Variants in RERG observed in about 807,000 individuals in gnomAD.
RERG encodes RAS like estrogen regulated growth inhibitor.
RERG carries 25 observed loss-of-function variants against 23.2 expected under a neutral mutation model. The ratio of observed to expected loss-of-function variants is 1.08; its 90% CI spans 0.79 to 1.50. The LOEUF (loss-of-function observed/expected upper bound fraction) is 1.50, where lower values mean the gene tolerates loss of function less well. Among genes scored for constraint, RERG ranks in the 40% most tolerant of loss-of-function variants. RERG has a pLI of 0.00. For synonymous variants in RERG, 81 were observed against 89.1 expected (o/e 0.91, Z 0.51); for missense variants, 253 against 250.1 (o/e 1.01, Z -0.08).
intron 2 of RERG, among the ~76,000 whole-genome samples, chr12:15,158,064 G>A (rs1025233515): frequency 6.6e-6 from 1 of 151,982 alleles, no homozygotes; most frequent in African/African-American, 2.4e-5. Context: ...CATTTTGTAG[G>A]ATAACAAAAG....
rs1555125424 is a variant in RERG, at chr12:15,161,190, G to GAAAGA, written c.62-40076_62-40072dup. Among the ~76,000 whole-genome samples the GAAAGA allele has an allele frequency of 9.6e-4, 139 of 145,540 alleles. 1 individual carries two copies. The highest frequency in any genetic ancestry group is 1.8e-3 in the Non-Finnish European group (118 of 66,022). ...AGAAAGAAAGAAAGAAAGAAAGAAA[G>GAAAGA]AAAGAAAGAAAGAAAGAAAGAAAGA... is the stretch of plus-strand genomic sequence containing the variant. On this transcript the variant is annotated intron_variant, in intron 2 of 4. Coordinates refer to ENST00000256953, the MANE Select transcript of RERG (RefSeq NM_032918.3).
chr12:15,188,723 C>A (rs1386670425), intron 2 of RERG, among the ~76,000 whole-genome samples: 1 of 152,132 alleles, frequency 6.6e-6, no homozygotes, highest in Non-Finnish European at 1.5e-5. Flanking sequence ...AATAGGTGCT[C>A]AATAGTATGA....
intron 3 of RERG, among the ~76,000 whole-genome samples, chr12:15,116,715 G>T (rs1426949881): frequency 6.6e-6 from 1 of 151,874 alleles, no homozygotes; most frequent in African/African-American, 2.4e-5. Flanking sequence ...AAAGTGTTGT[G>T]CATCTACGTG....
At chr12:15,131,886 A>G (rs566196529) in intron 2 of RERG, among the ~76,000 whole-genome samples, 5 of 152,278 alleles carry the variant, frequency 3.3e-5, no homozygotes, top group African/African-American at 1.2e-4. Flanking sequence ...CACCACTCCT[A>G]TGGCTACCTT....
chr12:15,164,556 C>T (rs192375742), intron 2 of RERG, among the ~76,000 whole-genome samples: 37 of 152,296 alleles, frequency 2.4e-4, no homozygotes, highest in Non-Finnish European at 4.6e-4. Flanking sequence ...GCAAGTTTCT[C>T]CAGGCTCTGT....
chr12:15,174,134 TTGTC>T (rs1471902196), intron 2 of RERG, among the ~76,000 whole-genome samples: 1 of 152,080 alleles, frequency 6.6e-6, no homozygotes, highest in African/African-American at 2.4e-5. Context: ...CAGTTTCTGT[TTGTC>T]TGGTAGTGTT....
chr12:15,198,065 C>T (rs950510803), intron 2 of RERG, among the ~76,000 whole-genome samples: 17 of 152,154 alleles, frequency 1.1e-4, no homozygotes, highest in African/African-American at 3.9e-4. Flanking sequence ...CATCACCTGG[C>T]CTGGCCACTC....
At chr12:15,118,469 G>GTAA (rs778072281) in intron 3 of RERG, among the ~76,000 whole-genome samples, 2 of 152,132 alleles carry the variant, frequency 1.3e-5, no homozygotes, top group Non-Finnish European at 2.9e-5. Context: ...GCTTTTTAAT[G>GTAA]TAGTTATCTC....
At chr12:15,197,840 G>A (rs768814826) in intron 2 of RERG, among the ~76,000 whole-genome samples, 13 of 152,274 alleles carry the variant, frequency 8.5e-5, no homozygotes, top group Admixed American at 2.6e-4. Context: ...GGGCGGTGCA[G>A]AGAAAAAGGA....
chr12:15,200,878 T>C (rs74068776), intron 2 of RERG, among the ~76,000 whole-genome samples: 4,494 of 152,000 alleles, frequency 0.03, 204 homozygotes, highest in African/African-American at 0.1. Flanking sequence ...CCACTGAGGA[T>C]ATTTGACACG....
At chr12:15,187,491 G>A (rs1452099683) in intron 2 of RERG, among the ~76,000 whole-genome samples, 1 of 151,936 alleles carries the variant, frequency 6.6e-6, no homozygotes, top group Non-Finnish European at 1.5e-5. Flanking sequence ...CATGAATTAA[G>A]GCCAAACATA....
intron 2 of RERG, among the ~76,000 whole-genome samples, chr12:15,189,571 G>A (rs1865040514): frequency 6.6e-6 from 1 of 152,102 alleles, no homozygotes; most frequent in Non-Finnish European, 1.5e-5. Context: ...GTGTATTGAA[G>A]TATTAATTTT....
intron 3 of RERG, among the ~76,000 whole-genome samples, chr12:15,117,720 C>T (rs1259083583): frequency 1.3e-5 from 2 of 151,954 alleles, no homozygotes; most frequent in African/African-American, 2.4e-5. Flanking sequence ...CACAGGCACA[C>T]ACATTCTAAG....
chr12:15,151,670 T>C (rs1156920957), intron 2 of RERG, among the ~76,000 whole-genome samples: 1 of 152,162 alleles, frequency 6.6e-6, no homozygotes, highest in Non-Finnish European at 1.5e-5. Flanking sequence ...TAGTGGATCA[T>C]AGTAAATCAT....
intron 2 of RERG, among the ~76,000 whole-genome samples, chr12:15,209,473 T>C (rs570117856): frequency 6.6e-6 from 1 of 152,248 alleles, no homozygotes; most frequent in South Asian, 2.1e-4. Flanking sequence ...TATATAACAA[T>C]GAGAAACATA....
intron 2 of RERG, among the ~76,000 whole-genome samples, chr12:15,148,414 C>T (rs1864370040): frequency 6.6e-6 from 1 of 152,184 alleles, no homozygotes; most frequent in African/African-American, 2.4e-5. Flanking sequence ...GGGAAATGAC[C>T]TAAAAAACAA....
intron 3 of RERG, chr12:15,112,354 G>A (rs763265662): frequency 3.3e-5 from 5 of 152,334 alleles, no homozygotes; most frequent in Non-Finnish European, 5.9e-5. Flanking sequence ...GCAGCATGGA[G>A]GGGAGGTGGA....
chr12:15,190,348 A>G (rs1317298118), intron 2 of RERG, among the ~76,000 whole-genome samples: 1 of 152,202 alleles, frequency 6.6e-6, no homozygotes, highest in East Asian at 1.9e-4. Flanking sequence ...TAACATTTTA[A>G]GAAAGTTTAA....
At chr12:15,161,206 GAAAGAAAGAAAGAAAGAAAGAAAC>G (rs1227735294) in intron 2 of RERG, among the ~76,000 whole-genome samples, 1,525 of 143,510 alleles carry the variant, frequency 0.011, 53 homozygotes, top group Admixed American at 0.021. Flanking sequence ...AAGAAAGAAA[GAAAGAAAGAAAGAAAGAAAGAAAC>G]AGGGGCATCA....
Sources: gnomAD v4.1 joint callset for allele counts (sites outside exome capture counted in the v4.1 genomes callset) on GRCh38, gnomAD v4.1.1 for gene constraint, MANE v1.5 for transcripts, NCBI Gene and HGNC (gene_info 2026-07-23, HGNC 2026-07-21) for gene names.